The following SGCZ variants were observed in gnomAD, a reference collection of about 807,000 sequenced individuals.
The protein encoded by SGCZ is sarcoglycan zeta.
SGCZ carries 40 observed loss-of-function variants against 41.3 expected under a neutral mutation model. The ratio of observed to expected loss-of-function variants is 0.97; its 90% CI spans 0.75 to 1.26. The LOEUF is 1.26. SGCZ is among the 50% of genes most tolerant of loss of function. SGCZ has a pLI of 0.00. For missense variants in SGCZ, 552 were observed against 369.8 expected (o/e 1.49, Z -4.04); for synonymous variants, 206 against 137.5 (o/e 1.50, Z -3.49).
chr8:15,100,068 C>T (rs534030094), intron 1 of SGCZ, among the ~76,000 whole-genome samples: 2 of 152,188 alleles, frequency 1.3e-5, no homozygotes, highest in South Asian at 4.1e-4. Context: ...TTTCTTACCA[C>T]TTCTAGTCAA....
intron 4 of SGCZ, among the ~76,000 whole-genome samples, chr8:14,173,324 A>T (rs1804446234): frequency 6.6e-6 from 1 of 152,122 alleles, no homozygotes; most frequent in Admixed American, 6.6e-5. Context: ...ATATGAAGTT[A>T]TTATAAACAT....
intron 1 of SGCZ, among the ~76,000 whole-genome samples, chr8:15,098,304 T>G (rs1195139944): frequency 6.6e-6 from 1 of 152,196 alleles, no homozygotes; most frequent in African/African-American, 2.4e-5. Context: ...CTTACATTTT[T>G]ATTACTCTGT....
chr8:14,889,516 G>A (rs1012984763), intron 1 of SGCZ, among the ~76,000 whole-genome samples: 1 of 152,066 alleles, frequency 6.6e-6, no homozygotes, highest in African/African-American at 2.4e-5. Flanking sequence ...ACAGAAAGCT[G>A]GAGGGTGGTT....
intron 2 of SGCZ, among the ~76,000 whole-genome samples, chr8:14,463,554 G>T (rs1333147119): frequency 6.6e-6 from 1 of 151,204 alleles, no homozygotes; most frequent in Non-Finnish European, 1.5e-5. Context: ...GGAAACATTG[G>T]GCAAAAACTT....
At chr8:15,082,642 C>T (rs1805798054) in intron 1 of SGCZ, among the ~76,000 whole-genome samples, 1 of 152,088 alleles carries the variant, frequency 6.6e-6, no homozygotes, top group Admixed American at 6.6e-5. Context: ...GCAGGTTGAA[C>T]TGGAAGCAGG....
intron 1 of SGCZ, among the ~76,000 whole-genome samples, chr8:14,701,896 T>C (rs1809149536): frequency 6.6e-6 from 1 of 152,050 alleles, no homozygotes. Context: ...TATGTGGAAA[T>C]AGTATCCCAT....
At chr8:14,189,011 A>G (rs1313017776) in intron 4 of SGCZ, among the ~76,000 whole-genome samples, 1 of 101,776 alleles carries the variant, frequency 9.8e-6, no homozygotes, top group African/African-American at 4.5e-5. Context: ...ACCTGCCACC[A>G]CGCCCAGCTT....
intron 1 of SGCZ, among the ~76,000 whole-genome samples, chr8:14,569,172 A>G (rs1310225509): frequency 6.6e-6 from 1 of 152,200 alleles, no homozygotes; most frequent in Non-Finnish European, 1.5e-5. Context: ...AATATAATAT[A>G]TAAAATTGAG....
At chr8:14,748,753 GAAATA>G (rs141835797) in intron 1 of SGCZ, among the ~76,000 whole-genome samples, 40,993 of 151,638 alleles carry the variant, frequency 0.27, 6,306 homozygotes, top group Non-Finnish European at 0.35. Flanking sequence ...TTGAACACTA[GAAATA>G]AAATAAATTA....
At chr8:15,216,331 T>G (rs549954219) in intron 1 of SGCZ, among the ~76,000 whole-genome samples, 3 of 151,274 alleles carry the variant, frequency 2.0e-5, no homozygotes, top group African/African-American at 7.3e-5. Flanking sequence ...GCCATTCTTC[T>G]GCCTCAGCCT....
At chr8:14,176,516 T>C (rs1804546014) in intron 4 of SGCZ, among the ~76,000 whole-genome samples, 1 of 152,234 alleles carries the variant, frequency 6.6e-6, no homozygotes, top group Non-Finnish European at 1.5e-5. Flanking sequence ...CAAAGAAATG[T>C]ATGTCCTCAA....
At chr8:14,240,050 G>A (rs941837072) in intron 3 of SGCZ, among the ~76,000 whole-genome samples, 3 of 151,954 alleles carry the variant, frequency 2.0e-5, no homozygotes, top group African/African-American at 7.3e-5. Context: ...GTTTAGTCCG[G>A]GCGTGGTGGC....
At chr8:14,186,842 C>T (rs1394214612) in intron 4 of SGCZ, among the ~76,000 whole-genome samples, 7 of 152,114 alleles carry the variant, frequency 4.6e-5, no homozygotes. Flanking sequence ...TACAGGGTAG[C>T]TAGTTTAGTG....
At chr8:14,982,628 T>C (rs931424580) in intron 1 of SGCZ, among the ~76,000 whole-genome samples, 3 of 152,220 alleles carry the variant, frequency 2.0e-5, no homozygotes, top group Admixed American at 1.3e-4. Flanking sequence ...TCTGAGACTA[T>C]TGTAAATGAA....
chr8:14,190,233 C>T (rs959102342), intron 4 of SGCZ, among the ~76,000 whole-genome samples: 5 of 151,802 alleles, frequency 3.3e-5, no homozygotes, highest in African/African-American at 9.7e-5. Flanking sequence ...AGGATGGTCT[C>T]GAACTCCTGA....
intron 3 of SGCZ, among the ~76,000 whole-genome samples, chr8:14,246,825 G>C (rs528250775): frequency 1.2e-3 from 183 of 148,800 alleles, no homozygotes; most frequent in Non-Finnish European, 1.3e-3. Context: ...CAGTAGAATG[G>C]CATGAACCCG....
At chr8:14,436,804 A>G (rs1179326844) in intron 2 of SGCZ, among the ~76,000 whole-genome samples, 1 of 152,236 alleles carries the variant, frequency 6.6e-6, no homozygotes, top group African/African-American at 2.4e-5. Context: ...TTAGAGGAAA[A>G]GCACTTGTGT....
At chr8:14,423,937 T>G (rs1043290597) in intron 2 of SGCZ, among the ~76,000 whole-genome samples, 5 of 152,142 alleles carry the variant, frequency 3.3e-5, no homozygotes, top group African/African-American at 2.4e-5. Flanking sequence ...CATGAATCAT[T>G]AAAGTATAAT....
intron 2 of SGCZ, among the ~76,000 whole-genome samples, chr8:14,409,813 G>A (rs181678869): frequency 6.6e-6 from 1 of 152,148 alleles, no homozygotes; most frequent in African/African-American, 2.4e-5. Flanking sequence ...TGAAAATATT[G>A]CTTTCCTAAT....
Sources: gnomAD v4.1 joint callset for allele counts (sites outside exome capture counted in the v4.1 genomes callset) on GRCh38, gnomAD v4.1.1 for gene constraint, MANE v1.5 for transcripts, NCBI Gene and HGNC (gene_info 2026-07-23, HGNC 2026-07-21) for gene names.